The following GAP43 variants were observed in gnomAD, a reference collection of about 807,000 sequenced individuals.
GAP43 encodes the protein growth associated protein 43.
Under a neutral mutation model 18.6 loss-of-function variants are expected in GAP43, and 6 were observed. The ratio of observed to expected loss-of-function variants is 0.32; its 90% CI spans 0.18 to 0.64. The LOEUF (loss-of-function observed/expected upper bound fraction) is 0.64, where lower values mean the gene tolerates loss of function less well. Among genes scored for constraint, GAP43 ranks in the 30% least tolerant of loss-of-function variants. The probability of loss-of-function intolerance (pLI) is 0.78; values close to 1 mark genes in which losing one functional copy is unlikely to be tolerated. For synonymous variants in GAP43, 115 were observed against 111.4 expected (o/e 1.03, Z -0.20); for missense variants, 292 against 295.5 (o/e 0.99, Z 0.09).
At chr3:115,660,396 A>C (rs890884238) in intron 1 of GAP43, among the ~76,000 whole-genome samples, 2 of 152,236 alleles carry the variant, frequency 1.3e-5, no homozygotes, top group Non-Finnish European at 2.9e-5. Flanking sequence ...GAAACAGAAC[A>C]TATATACATT....
At chr3:115,667,338 G>T (rs1318278961) in intron 1 of GAP43, among the ~76,000 whole-genome samples, 2 of 152,098 alleles carry the variant, frequency 1.3e-5, no homozygotes. Context: ...TTTGAAGAAG[G>T]GTGTGTGGTA....
At chr3:115,665,680 T>C (rs1179247951) in intron 1 of GAP43, among the ~76,000 whole-genome samples, 2 of 152,150 alleles carry the variant, frequency 1.3e-5, no homozygotes, top group Admixed American at 1.3e-4. Context: ...TTCTGACACG[T>C]ATTGTGTATC....
At position 115,721,001 on chromosome 3, in the gene GAP43, T is replaced by C; in HGVS notation, c.*119T>C. 1 of 499,538 alleles carries C rather than the reference T, an allele frequency of 2.0e-6. No homozygotes were observed. 30.9% of individuals were successfully genotyped at this position (499,538 alleles called of 1,614,324 possible). A position where few individuals can be genotyped will look rare whatever the true frequency, so the allele number is the denominator to read the frequency against. On this transcript the variant is annotated 3_prime_UTR_variant, in exon 3 of 3. Coordinates refer to ENST00000305124, the MANE Select transcript of GAP43 (RefSeq NM_002045.4). ...TGTCCTGCTCACGTCTGTGAGTCTG[T>C]CCTTTCCCACCCACTAGCCCTCTTT...
intron 1 of GAP43, among the ~76,000 whole-genome samples, chr3:115,674,801 A>G (rs992952972): frequency 2.6e-5 from 4 of 152,340 alleles, no homozygotes; most frequent in Middle Eastern, 3.4e-3. Context: ...CACATTCTGA[A>G]CAAATCCCTT....
chr3:115,665,030 C>T (rs981787392), intron 1 of GAP43, among the ~76,000 whole-genome samples: 1 of 152,014 alleles, frequency 6.6e-6, no homozygotes, highest in Non-Finnish European at 1.5e-5. Context: ...GATAATCACT[C>T]ACCTGGTGAT....
intron 1 of GAP43, among the ~76,000 whole-genome samples, chr3:115,634,954 G>A (rs539440607): frequency 1.8e-4 from 27 of 152,160 alleles, no homozygotes; most frequent in African/African-American, 4.6e-4. Context: ...ATTGCATTTC[G>A]GTCTTTAAAT....
At chr3:115,636,617 A>T (rs932318616) in intron 1 of GAP43, among the ~76,000 whole-genome samples, 1 of 152,094 alleles carries the variant, frequency 6.6e-6, no homozygotes, top group Non-Finnish European at 1.5e-5. Context: ...CAGTTACCAA[A>T]ATTCTCTACA....
At chr3:115,628,971 T>A (rs1708226437) in intron 1 of GAP43, among the ~76,000 whole-genome samples, 1 of 152,224 alleles carries the variant, frequency 6.6e-6, no homozygotes, top group Admixed American at 6.5e-5. Flanking sequence ...CAGTGTCTTC[T>A]GTTGTGTATC....
chr3:115,677,681 T>C (rs9873303), intron 2 of GAP43, among the ~76,000 whole-genome samples: 20,247 of 152,210 alleles, frequency 0.13, 1,485 homozygotes, highest in Middle Eastern at 0.18. Context: ...GGTTTACTCC[T>C]TTAGAAGCGC....
intron 2 of GAP43, among the ~76,000 whole-genome samples, chr3:115,718,795 A>G (rs1164977657): frequency 1.3e-5 from 2 of 152,222 alleles, no homozygotes; most frequent in Admixed American, 1.3e-4. Flanking sequence ...TTTTCAAAAA[A>G]TAAGCATTTC....
At chr3:115,711,687 T>C (rs967419979) in intron 2 of GAP43, among the ~76,000 whole-genome samples, 4 of 152,176 alleles carry the variant, frequency 2.6e-5, no homozygotes, top group African/African-American at 9.6e-5. Flanking sequence ...CTCTGCATTC[T>C]ACCTCTTCCC....
Position 115,700,410 on chromosome 3 carries a change from C to G in GAP43, c.629-20384C>G, listed in dbSNP as rs372523852. ...CAGCATTCCAATCCAGAGCAAAGTT[C>G]TGTTTCCCTAAAACCACCTCCAAAT... On this transcript the variant is annotated intron_variant, in intron 2 of 2. Transcript: ENST00000305124. 3.3e-5 allele frequency among the ~76,000 whole-genome samples: 5 copies of G among 152,234 alleles called. No homozygotes were observed. In the East Asian group the frequency reaches 9.7e-4, roughly 29 times the overall value.
intron 1 of GAP43, among the ~76,000 whole-genome samples, chr3:115,648,754 A>G (rs1031274759): frequency 6.6e-6 from 1 of 152,136 alleles, no homozygotes; most frequent in Admixed American, 6.5e-5. Flanking sequence ...CTCACCCTTC[A>G]GTGGCAGAAG....
intron 1 of GAP43, among the ~76,000 whole-genome samples, chr3:115,627,122 CTTTTTTCTTTCTTT>C (rs1559786798): frequency 8.9e-6 from 1 of 112,902 alleles, no homozygotes. Flanking sequence ...CATTTTCTTT[CTTTTTTCTTTCTTT>C]TTTTTTTTTT....
chr3:115,680,609 G>A (rs1157795993), intron 2 of GAP43, among the ~76,000 whole-genome samples: 1 of 152,070 alleles, frequency 6.6e-6, no homozygotes, highest in African/African-American at 2.4e-5. Flanking sequence ...TTAGGTACAG[G>A]GCACTTCCCT....
intron 1 of GAP43, chr3:115,659,005 G>A (rs11705820): frequency 0.32 from 48,183 of 152,410 alleles, 9,088 homozygotes; most frequent in Non-Finnish European, 0.42. Context: ...AGAAAGCTGG[G>A]TCAATTGGAA....
intron 1 of GAP43, among the ~76,000 whole-genome samples, chr3:115,661,637 C>T (rs1211213503): frequency 2.6e-5 from 4 of 152,012 alleles, no homozygotes; most frequent in South Asian, 2.1e-4. Context: ...TACAGGCACC[C>T]GCCACCAAGC....
At chr3:115,635,136 A>G (rs1246565412) in intron 1 of GAP43, among the ~76,000 whole-genome samples, 2 of 152,148 alleles carry the variant, frequency 1.3e-5, no homozygotes, top group East Asian at 1.9e-4. Context: ...AACATCTGCA[A>G]TATTTCCTTA....
At chr3:115,658,887 T>C (rs1272197783) in intron 1 of GAP43, 1 of 152,540 alleles carries the variant, frequency 6.6e-6, no homozygotes, top group Non-Finnish European at 1.5e-5. Context: ...TTCGCCCTTC[T>C]TGGCCCGCTC....
Sources: allele counts gnomAD v4.1 joint callset (sites outside exome capture counted in the v4.1 genomes callset), GRCh38; gene constraint gnomAD v4.1.1; transcripts MANE v1.5; gene names NCBI Gene and HGNC (gene_info 2026-07-23, HGNC 2026-07-21).